Variants in RGPD2 observed in about 807,000 individuals in gnomAD.
RGPD2 encodes the protein RANBP2-like and GRIP domain-containing protein 2.
RGPD2 carries 2 observed loss-of-function variants against 36.0 expected under a neutral mutation model. The observed-to-expected ratio is 0.06, with a 90% CI of 0.02 to 0.17. The LOEUF (loss-of-function observed/expected upper bound fraction) is 0.17. RGPD2 is among the 10% of genes least tolerant of loss of function. The pLI, the probability that RGPD2 is intolerant of heterozygous loss-of-function variation, is 1.00. For missense variants in RGPD2, 40 were observed against 464.3 expected (o/e 0.09, Z 8.40); for synonymous variants, 19 against 163.8 (o/e 0.12, Z 6.75).
chr2:87,986,136 CTTT>C, the RGPD2 span, among the ~76,000 whole-genome samples: 2 of 88,524 alleles, frequency 2.3e-5, no homozygotes, highest in Non-Finnish European at 4.4e-5. Context: ...CTGAAGACAG[CTTT>C]TTTTTTTTTT....
At chr2:87,887,303 C>T in the RGPD2 span, among the ~76,000 whole-genome samples, 35 of 151,390 alleles carry the variant, frequency 2.3e-4, no homozygotes, top group African/African-American at 8.0e-4. Context: ...TAGTAAAAAA[C>T]ATTCGTGTGT....
At chr2:87,927,178 G>A in the RGPD2 span, among the ~76,000 whole-genome samples, 2 of 130,186 alleles carry the variant, frequency 1.5e-5, no homozygotes, top group African/African-American at 5.8e-5. Flanking sequence ...AAATTCATAA[G>A]TCCTCCTCAG....
the RGPD2 span, among the ~76,000 whole-genome samples, chr2:87,884,330 T>C: frequency 6.6e-6 from 1 of 151,876 alleles, no homozygotes; most frequent in Non-Finnish European, 1.5e-5. Flanking sequence ...ACAATTAAAA[T>C]CTACATCAAA....
At chr2:87,872,906 C>T in the RGPD2 span, among the ~76,000 whole-genome samples, 21 of 152,176 alleles carry the variant, frequency 1.4e-4, no homozygotes, top group African/African-American at 1.4e-4. Context: ...ATTACAGGCA[C>T]GTGTCACCCT....
chr2:87,852,641 T>C, the RGPD2 span, among the ~76,000 whole-genome samples: 1 of 152,262 alleles, frequency 6.6e-6, no homozygotes, highest in Admixed American at 6.5e-5. Context: ...CTCTATGCTA[T>C]TGATTGTGTA....
At chr2:87,781,452 TTTTG>T (rs914651666) in intron 20 of RGPD2, among the ~76,000 whole-genome samples, 26 of 134,962 alleles carry the variant, frequency 1.9e-4, no homozygotes, top group East Asian at 6.5e-4. Flanking sequence ...TCATGGTTTT[TTTTG>T]TTTTTTTGTT....
At chr2:87,789,630 C>CT (rs1412940034) in intron 17 of RGPD2, among the ~76,000 whole-genome samples, 1 of 74,966 alleles carries the variant, frequency 1.3e-5, no homozygotes, top group Non-Finnish European at 2.8e-5. Context: ...CCCAAATTAG[C>CT]TTTTCACTTA....
At chr2:87,882,415 G>T in the RGPD2 span, among the ~76,000 whole-genome samples, 2 of 152,156 alleles carry the variant, frequency 1.3e-5, no homozygotes, top group Non-Finnish European at 2.9e-5. Flanking sequence ...CACTAGTTAC[G>T]CAGGGTTATT....
chr2:87,847,028 T>C, the RGPD2 span, among the ~76,000 whole-genome samples: 1 of 151,840 alleles, frequency 6.6e-6, no homozygotes, highest in Non-Finnish European at 1.5e-5. Flanking sequence ...TTTTACTTTT[T>C]TAGAAATGAT....
At chr2:87,810,084 C>T (rs1177244695) in intron 6 of RGPD2, among the ~76,000 whole-genome samples, 135 of 21,534 alleles carry the variant, frequency 6.3e-3, no homozygotes, top group African/African-American at 0.018. Context: ...TCACTTGAAC[C>T]CAGGAGGCAG....
chr2:87,864,129 C>T, the RGPD2 span, among the ~76,000 whole-genome samples: 452 of 152,020 alleles, frequency 3.0e-3, 3 homozygotes, highest in African/African-American at 0.01. Context: ...GTGGGTGTTT[C>T]CATGAGGATG....
chr2:87,919,431 G>A, the RGPD2 span, among the ~76,000 whole-genome samples: 1,751 of 152,150 alleles, frequency 0.012, 24 homozygotes, highest in African/African-American at 0.039. Flanking sequence ...TGGCCCTGAA[G>A]AGGACCATGT....
chr2:87,916,832 T>C, the RGPD2 span, among the ~76,000 whole-genome samples: 11 of 151,172 alleles, frequency 7.3e-5, no homozygotes, highest in Admixed American at 4.0e-4. Flanking sequence ...AATGTCTTTA[T>C]AGCAGTGCAA....
the RGPD2 span, among the ~76,000 whole-genome samples, chr2:87,967,198 G>C: frequency 7.3e-6 from 1 of 137,138 alleles, no homozygotes; most frequent in East Asian, 2.1e-4. Context: ...ATGAGGTCAG[G>C]AGATCTAGAG....
the RGPD2 span, chr2:87,985,781 A>T: frequency 1.2e-6 from 2 of 1,610,758 alleles, no homozygotes; most frequent in Non-Finnish European, 1.7e-6. Flanking sequence ...TCATGAGACA[A>T]GTCACAAATA....
At chr2:87,973,693 T>TAAA in the RGPD2 span, among the ~76,000 whole-genome samples, 36,717 of 94,448 alleles carry the variant, frequency 0.39, 4,255 homozygotes, top group Non-Finnish European at 0.45. Context: ...GTGAACCAGC[T>TAAA]AAAAAAAAAA....
chr2:87,989,582 A>G, the RGPD2 span: 1 of 429,890 alleles, frequency 2.3e-6, no homozygotes, highest in South Asian at 9.2e-5. Flanking sequence ...GACACAATAG[A>G]TTTTTTTAAA....
At chr2:87,915,438 T>C in the RGPD2 span, among the ~76,000 whole-genome samples, 1 of 141,786 alleles carries the variant, frequency 7.1e-6, no homozygotes, top group African/African-American at 2.6e-5. Flanking sequence ...TATATGTATG[T>C]GTATATATAT....
At chr2:87,948,023 C>T in the RGPD2 span, among the ~76,000 whole-genome samples, 28 of 152,162 alleles carry the variant, frequency 1.8e-4, no homozygotes, top group Admixed American at 3.3e-4. Flanking sequence ...CCATCACTCG[C>T]CGCGGTCCGC....
Sources: allele counts gnomAD v4.1 joint callset (sites outside exome capture counted in the v4.1 genomes callset), GRCh38; gene constraint gnomAD v4.1.1; transcripts MANE v1.5; gene names NCBI Gene and HGNC (gene_info 2026-07-23, HGNC 2026-07-21).